REXO1: variants seen among roughly 807,000 people sequenced by gnomAD.
The protein encoded by REXO1 is REX1, RNA exonuclease 1 homolog.
Under a neutral mutation model 102.6 loss-of-function variants are expected in REXO1, and 42 were observed. That is an observed-to-expected ratio of 0.41 (90% CI 0.32 to 0.53). The LOEUF is 0.53. Among genes scored for constraint, REXO1 ranks in the 20% least tolerant of loss-of-function variants. The probability of loss-of-function intolerance (pLI) is 0.27; values close to 1 mark genes in which losing one functional copy is unlikely to be tolerated. For missense variants in REXO1, 1,819 were observed against 1,732.5 expected, an observed-to-expected ratio of 1.05 and a Z score of -0.89; for synonymous variants, 908 against 779.1, an observed-to-expected ratio of 1.17 and a Z score of -2.76.
At chr19:1,817,124 G>C in intron 12 of REXO1, 95 bp downstream of exon 12, 5 of 1,462,318 alleles carry the variant, frequency 3.4e-6, no homozygotes. Context: ...AGCGCTGGCC[G>C]GTGAGCCAGG....
intron 1 of REXO1, among the ~76,000 whole-genome samples, chr19:1,840,184 G>T (rs997607543): frequency 6.6e-6 from 1 of 152,200 alleles, no homozygotes; most frequent in Non-Finnish European, 1.5e-5. Context: ...TCCTGGCCCT[G>T]CCCCCTGCCA....
Position 1,818,761 on chromosome 19 carries a change from T to G in REXO1, c.2847A>C (p.Pro949=), listed in dbSNP as rs1219623287. ...AGATGATTGCGCCCCCGGGCCGCTC[T>G]GGGTGCGGGAAGGGGTAGCCGTTCT... The part of the protein sequence containing the change: ...LKENGYPFPH[P]ERPGGAIIFT... Residue 949 remains proline, a synonymous_variant, in exon 9 of 16, where the codon CCA becomes CCC. Transcript: ENST00000170168. 2.5e-6 allele frequency: 4 copies of G among 1,610,576 alleles called. No individual in the cohort carries two copies. Among genetic ancestry groups the G allele is most frequent in the Non-Finnish European group, 3.4e-6 (4 of 1,179,884 alleles).
chr19:1,848,307 C>G lies in REXO1; in HGVS notation c.52G>C (p.Gly18Arg). ...FRAIDCPYWS[G>R]APGGPCRRPY... ...CGCCGGCAGGGCCCCCCGGGCGCCC[C>G]AGACCAATAGGGGCAGTCAATGGCC... The change falls in exon 1 of 16, where the codon GGG becomes CGG. Residue 18 changes from glycine (G) to arginine (R), a missense_variant. By Grantham distance (125) the Gly-to-Arg change is moderately radical (BLOSUM62 -2). Coordinates refer to ENST00000170168, the MANE Select transcript of REXO1 (RefSeq NM_020695.4). The G allele has an allele frequency of 1.6e-6, 2 of 1,231,478 alleles. No homozygotes were observed. The highest frequency in any genetic ancestry group is 2.0e-6 in the Non-Finnish European group (2 of 980,966). 76.3% of individuals were successfully genotyped at this position (1,231,478 alleles called of 1,614,324 possible). A position where few individuals can be genotyped will look rare whatever the true frequency, so the allele number is the denominator to read the frequency against.
intron 1 of REXO1, among the ~76,000 whole-genome samples, chr19:1,833,748 G>T (rs1407306722): frequency 3.3e-5 from 5 of 152,256 alleles, no homozygotes; most frequent in Admixed American, 3.3e-4. Context: ...GGTGAACAGG[G>T]CAACTAGTGC....
rs529363148 is a variant in REXO1 at position 1,824,520 on chromosome 19, A to G, written c.2017-735T>C. 3 of 152,374 alleles carry G rather than the reference A, an allele frequency of 2.0e-5. No individual in the cohort carries two copies. In the East Asian group the frequency reaches 5.8e-4, roughly 29 times the overall value. 9.4% of individuals were successfully genotyped at this position (152,374 alleles called of 1,614,324 possible). On this transcript the variant is annotated intron_variant, in intron 3 of 15. Transcript: ENST00000170168. ...TGGCTTTCAAGTTTTTTTGCCCCAA[A>G]ATAAACTGATACTAACTTGTCATAA...
At chr19:1,831,196 T>G (rs2069891197) in intron 1 of REXO1, among the ~76,000 whole-genome samples, 1 of 152,146 alleles carries the variant, frequency 6.6e-6, no homozygotes, top group Non-Finnish European at 1.5e-5. Context: ...CCCGACAGGC[T>G]GATAAGGAGC....
Position 1,843,377 on chromosome 19 carries a change from C to T in REXO1, c.157+4825G>A, listed in dbSNP as rs1267233337. Among the ~76,000 whole-genome samples, 3 of 152,186 alleles carry T rather than the reference C, an allele frequency of 2.0e-5. No homozygotes were observed. In the East Asian group the frequency reaches 5.8e-4, roughly 29 times the overall value. ...AGCCGCAGCTGGACTCGCAGGCTCG[C>T]CGGCGAGGGCTGAAAAAGAAACGGC... On this transcript the variant is annotated intron_variant, in intron 1 of 15. Transcript: ENST00000170168.
chr19:1,826,797 A>G lies in REXO1; in HGVS notation c.1911+81T>C. Reference sequence around the variant, plus strand: ...CCCCGTGCCTCCGAGCCAACTGGAAACCACTCCAGATAGAAGGTCTCTCAC... The same window carrying G: ...CCCCGTGCCTCCGAGCCAACTGGAAGCCACTCCAGATAGAAGGTCTCTCAC... On this transcript the variant is annotated intron_variant, in intron 2 of 15. Coordinates refer to ENST00000170168, the MANE Select transcript of REXO1 (RefSeq NM_020695.4). This position sits in a 1 kb window ranked among gnomAD's most constrained non-coding sequence, Gnocchi z 4.3. 2.0e-6 allele frequency: 3 copies of G among 1,515,346 alleles called. No individual in the cohort carries two copies. The South Asian group carries it at 3.8e-5, about 19-fold the overall frequency. 93.9% of individuals were successfully genotyped at this position (1,515,346 alleles called of 1,614,324 possible).
At position 1,823,550 on chromosome 19, in the gene REXO1, G is replaced by A. The variant is rs570641100; in HGVS notation, c.2230+22C>T. 1.6e-5 allele frequency: 20 copies of A among 1,286,420 alleles called. No individual in the cohort carries two copies. The East Asian group carries it at 5.6e-4, about 36-fold the overall frequency. The allele number at this position is 1,286,420 out of a possible 1,614,324, so 79.7% of individuals were successfully genotyped here. A position where few individuals can be genotyped will look rare whatever the true frequency, so the allele number is the denominator to read the frequency against. On this transcript the variant is annotated intron_variant, in intron 4 of 15. Coordinates refer to ENST00000170168, the MANE Select transcript of REXO1 (RefSeq NM_020695.4). ...CACATGCCCACGGCCCCCCGGCACA[G>A]GCCCCCTGGGCCAGGACTCACCTGC...
intron 1 of REXO1, among the ~76,000 whole-genome samples, chr19:1,841,451 C>T (rs930098295): frequency 1.3e-5 from 2 of 152,206 alleles, no homozygotes; most frequent in African/African-American, 4.8e-5. Context: ...GCCCGCACGA[C>T]GCTTCCCGTC....
Position 1,816,228 on chromosome 19 carries a change from T to C in REXO1, c.3574A>G (p.Asn1192Asp). The change falls in exon 15 of 16, where the codon AAT (asparagine) becomes GAT (aspartate). Residue 1192 changes from asparagine to aspartate, a missense_variant. Physicochemically the swap from Asn to Asp is conservative, Grantham distance 23 (BLOSUM62 1). Coordinates refer to ENST00000170168, the MANE Select transcript of REXO1 (RefSeq NM_020695.4). ...CAGGGCAGGCACCGGCACTCACCAT[T>C]GTCCTGGATGATCTGTCTGAGGTAG... ...ADYLRQIIQD[N>D]VDGHSSSEDA... 6.3e-7 allele frequency: 1 copy of C among 1,583,770 alleles called. No individual in the cohort carries two copies. Among genetic ancestry groups the C allele is most frequent in the South Asian group, 1.1e-5 (1 of 87,138 alleles).
Position 1,826,959 on chromosome 19 carries a change from G to A in REXO1, c.1830C>T (p.Ser610=), listed in dbSNP as rs767058336. ...TCCGCAGGCACTCCTCCATGGGGTC[G>A]GAGTCAAAGTCCACCTCCTTCTCCA... ...SALEKEVDFD[S]DPMEECLRIF... Residue 610 remains serine (S), a synonymous_variant, in exon 2 of 16, where the codon TCC becomes TCT. Transcript: ENST00000170168. This position sits in a 1 kb window ranked among gnomAD's most constrained non-coding sequence, Gnocchi z 4.3. The A allele has an allele frequency of 8.9e-6, 14 of 1,574,466 alleles. No homozygotes were observed. The highest frequency in any genetic ancestry group is 4.6e-5 in the East Asian group (2 of 43,070).
rs200306384 is a variant in REXO1, at chr19:1,825,906, G to A, written c.1949C>T (p.Ser650Leu). 245 of 1,609,852 alleles carry A rather than the reference G, an allele frequency of 1.5e-4. No homozygotes were observed. The highest frequency in any genetic ancestry group is 5.0e-4 in the Middle Eastern group (3 of 6,054). Residue 650 changes from serine (S) to leucine (L), a missense_variant, in exon 3 of 16, where the codon TCG becomes TTG. Coordinates refer to ENST00000170168, the MANE Select transcript of REXO1 (RefSeq NM_020695.4). ...CCCGGGGAACAGAGTGGTCAGACCC[G>A]AAAGCCCCTTCTCCTCACTCTTCTC... ...KEEKSEEKGL[S>L]GLTTLFPGQK...
At chr19:1,823,465 T>G in intron 4 of REXO1, 107 bp downstream of exon 4, 12 of 798,372 alleles carry the variant, frequency 1.5e-5, no homozygotes, top group Non-Finnish European at 2.1e-5. Context: ...AGTCATCCCA[T>G]GAGCAAGCAC....
At chr19:1,847,972 G>A (rs914210828) in intron 1 of REXO1, among the ~76,000 whole-genome samples, 1 of 152,236 alleles carries the variant, frequency 6.6e-6, no homozygotes, top group East Asian at 1.9e-4. Flanking sequence ...CTGGCAGGAC[G>A]CGTCCTCCTA....
At position 1,827,027 on chromosome 19, in the gene REXO1, A is replaced by G; in HGVS notation, c.1762T>C (p.Ser588Pro). ...TCCGCCCCCGCGCTGGAGGTGGAGG[A>G]GGAGGAGGAGGAGGAGGAGGATGGG... Reference protein sequence around the residue: ...PAPSSSSSSSSSTSSAGADVD... With the variant: ...PAPSSSSSSSPSTSSAGADVD... The change falls in exon 2 of 16, where the codon TCC becomes CCC. Residue 588 changes from serine (S) to proline (P), a missense_variant. Transcript: ENST00000170168. 2 of 1,196,728 alleles carry G rather than the reference A, an allele frequency of 1.7e-6. No individual in the cohort carries two copies. Among genetic ancestry groups the G allele is most frequent in the Non-Finnish European group, 1.2e-6 (1 of 851,530 alleles). 74.1% of individuals were successfully genotyped at this position (1,196,728 alleles called of 1,614,324 possible).
chr19:1,821,133 G>A (rs925014476), intron 5 of REXO1, among the ~76,000 whole-genome samples: 3 of 152,128 alleles, frequency 2.0e-5, no homozygotes, highest in Non-Finnish European at 4.4e-5. Flanking sequence ...GGATCACGAG[G>A]TCAGAAGATC....
intron 1 of REXO1, among the ~76,000 whole-genome samples, chr19:1,846,014 GCA>G (rs1466352703): frequency 9.8e-5 from 15 of 152,356 alleles, no homozygotes; most frequent in African/African-American, 3.1e-4. Context: ...CGCGTGTCCA[GCA>G]CAGAGCATGG....
chr19:1,830,545 C>T (rs1373435391), intron 1 of REXO1, among the ~76,000 whole-genome samples: 1 of 152,190 alleles, frequency 6.6e-6, no homozygotes, highest in Non-Finnish European at 1.5e-5. Flanking sequence ...GAATGTAATT[C>T]CGTAACATCT....
Sources: gnomAD v4.1 joint callset for allele counts (sites outside exome capture counted in the v4.1 genomes callset) on GRCh38, gnomAD v4.1.1 for gene constraint, Gnocchi (gnomAD v3.1) non-coding constraint, MANE v1.5 for transcripts, NCBI Gene and HGNC (gene_info 2026-07-23, HGNC 2026-07-21) for gene names.